Variants in FAM193A observed in about 807,000 individuals in gnomAD.
The protein encoded by FAM193A is family with sequence similarity 193 member A.
A neutral mutation model predicts 126.5 loss-of-function variants in FAM193A; 22 were observed. The observed-to-expected ratio is 0.17, with a 90% CI of 0.12 to 0.25. The LOEUF (loss-of-function observed/expected upper bound fraction) is 0.25, where lower values mean the gene tolerates loss of function less well. Among genes scored for constraint, FAM193A ranks in the 10% least tolerant of loss-of-function variants. FAM193A has a pLI of 1.00. For missense variants in FAM193A, 1,675 were observed against 1,672.8 expected (o/e 1.00, Z -0.02); for synonymous variants, 761 against 646.8 (o/e 1.18, Z -2.68).
intron 1 of FAM193A, among the ~76,000 whole-genome samples, chr4:2,567,901 AT>A (rs1739062523): frequency 6.6e-6 from 1 of 151,968 alleles, no homozygotes; most frequent in African/African-American, 2.4e-5. Flanking sequence ...CCTTTCTTCC[AT>A]TACCCTGTGC....
At chr4:2,563,000 AG>A (rs1366172506) in intron 1 of FAM193A, among the ~76,000 whole-genome samples, 22 of 151,238 alleles carry the variant, frequency 1.5e-4, no homozygotes, top group Non-Finnish European at 2.9e-4. Context: ...GCTGGAGTGC[AG>A]TGGTGCAATC....
intron 1 of FAM193A, among the ~76,000 whole-genome samples, chr4:2,546,435 A>G (rs900491454): frequency 1.3e-5 from 2 of 151,420 alleles, no homozygotes; most frequent in African/African-American, 2.5e-5. Flanking sequence ...CCCAACTCCT[A>G]AAGTCTTGGC....
At chr4:2,598,979 A>G (rs932745461) in intron 2 of FAM193A, among the ~76,000 whole-genome samples, 5 of 152,232 alleles carry the variant, frequency 3.3e-5, no homozygotes, top group African/African-American at 9.6e-5. Context: ...TCTGCCTTGT[A>G]TCTGCAGGGG....
intron 2 of FAM193A, among the ~76,000 whole-genome samples, chr4:2,621,889 C>G (rs994651947): frequency 1.4e-4 from 22 of 152,202 alleles, no homozygotes; most frequent in Non-Finnish European, 2.8e-4. Context: ...TCAGTCAGAA[C>G]TCCATGGCCT....
At chr4:2,730,353 G>A (rs763191605) in intron 20 of FAM193A, among the ~76,000 whole-genome samples, 1 of 152,158 alleles carries the variant, frequency 6.6e-6, no homozygotes, top group Non-Finnish European at 1.5e-5. Flanking sequence ...TGATATTTAG[G>A]ATATATGTGT....
At chr4:2,557,313 A>G (rs1425816350) in intron 1 of FAM193A, among the ~76,000 whole-genome samples, 2 of 152,142 alleles carry the variant, frequency 1.3e-5, no homozygotes, top group Non-Finnish European at 2.9e-5. Context: ...GAGGGCGATG[A>G]GGGCATACTA....
chr4:2,621,618 C>T (rs755805838), intron 2 of FAM193A, among the ~76,000 whole-genome samples: 32 of 152,178 alleles, frequency 2.1e-4, no homozygotes, highest in African/African-American at 6.7e-4. Context: ...TTAGTACATA[C>T]GGAAATAGGT....
rs779783176 is a variant in FAM193A, at chr4:2,672,252, C to G, written c.2211C>G (p.His737Gln). 8.7e-6 allele frequency: 14 copies of G among 1,614,238 alleles called. No individual in the cohort carries two copies. The highest frequency in any genetic ancestry group is 1.6e-4 in the Middle Eastern group (1 of 6,062). The part of the protein sequence containing the change: ...HQFLSPEKPT[H>Q]PALHLYPHIH... The stretch of plus-strand genomic sequence containing the variant: ...TCTTGAGCCCAGAGAAGCCCACACA[C>G]CCTGCACTGCACCTTTACCCTCACA... Residue 737 changes from histidine to glutamine, a missense_variant, in exon 13 of 21, where the codon CAC becomes CAG. His to Gln is a conservative substitution (Grantham distance 24). Around this residue, in one of 4 missense-constraint regions of FAM193A, gnomAD observed 1,186 missense variants for 1,109.2 expected, o/e 1.07. Coordinates refer to ENST00000637812, the MANE Select transcript of FAM193A (RefSeq NM_001366318.2).
chr4:2,616,040 A>G (rs904844231), intron 2 of FAM193A, among the ~76,000 whole-genome samples: 2 of 152,020 alleles, frequency 1.3e-5, no homozygotes, highest in Non-Finnish European at 2.9e-5. Context: ...AGCTTGCGCA[A>G]TCCGCCCGCC....
chr4:2,633,947 T>C (rs1454551340), intron 5 of FAM193A, among the ~76,000 whole-genome samples: 1 of 151,570 alleles, frequency 6.6e-6, no homozygotes, highest in Non-Finnish European at 1.5e-5. Context: ...TGAAAGGGAG[T>C]AAGTCGTAGT....
At chr4:2,613,922 G>A (rs1412094142) in intron 2 of FAM193A, among the ~76,000 whole-genome samples, 8 of 151,788 alleles carry the variant, frequency 5.3e-5, no homozygotes, top group African/African-American at 9.7e-5. Context: ...TTACAGGTGC[G>A]TACCACCATG....
At chr4:2,631,681 C>T (rs2109001015) in intron 5 of FAM193A, among the ~76,000 whole-genome samples, 1 of 152,358 alleles carries the variant, frequency 6.6e-6, no homozygotes, top group African/African-American at 2.4e-5. Context: ...GATCTGCTTG[C>T]AGTCTCAAGA....
At chr4:2,545,564 G>T (rs1737494895) in intron 1 of FAM193A, among the ~76,000 whole-genome samples, 1 of 152,122 alleles carries the variant, frequency 6.6e-6, no homozygotes, top group South Asian at 2.1e-4. Flanking sequence ...TCATATGGCT[G>T]GGGGTAGAAT....
intron 1 of FAM193A, among the ~76,000 whole-genome samples, chr4:2,559,415 C>T (rs1448969838): frequency 6.6e-6 from 1 of 152,172 alleles, no homozygotes; most frequent in Non-Finnish European, 1.5e-5. Flanking sequence ...AAAGAAACCA[C>T]CTTGCTATTC....
intron 7 of FAM193A, among the ~76,000 whole-genome samples, chr4:2,655,424 C>T (rs772468447): frequency 1.3e-5 from 2 of 149,204 alleles, no homozygotes; most frequent in Non-Finnish European, 3.0e-5. Context: ...TGATTTAGGA[C>T]GTGTGTGTGT....
At chr4:2,723,056 G>T (rs988746412) in intron 20 of FAM193A, among the ~76,000 whole-genome samples, 12 of 152,152 alleles carry the variant, frequency 7.9e-5, no homozygotes, top group Non-Finnish European at 2.9e-5. Context: ...GGAGGATCAC[G>T]AGGTCAGGAG....
In FAM193A at chr4:2,659,873, G is replaced by A. The variant is rs561355288; in HGVS notation, c.1564G>A (p.Val522Ile). Residue 522 changes from valine to isoleucine, a missense_variant, in exon 10 of 21, where the codon GTC becomes ATC. Around this residue, in one of 4 missense-constraint regions of FAM193A, gnomAD observed 1,186 missense variants for 1,109.2 expected, o/e 1.07. Coordinates refer to ENST00000637812, the MANE Select transcript of FAM193A (RefSeq NM_001366318.2). ...ILTCGIMDPP[V>I]TDDIHIHQLP... ...CACGTGTGGTATCATGGACCCCCCCGTCACTGATGACATCCACATTCACCA... is the reference window on the plus strand; with the variant it reads ...CACGTGTGGTATCATGGACCCCCCCATCACTGATGACATCCACATTCACCA... 2.8e-5 allele frequency: 46 copies of A among 1,614,106 alleles called. No homozygotes were observed. The highest frequency in any genetic ancestry group is 5.3e-5 in the African/African-American group (4 of 75,002).
intron 1 of FAM193A, among the ~76,000 whole-genome samples, chr4:2,580,577 A>T (rs147600597): frequency 6.6e-6 from 1 of 152,138 alleles, no homozygotes; most frequent in African/African-American, 2.4e-5. Context: ...GAATGACTTC[A>T]TGAATGTCCT....
At chr4:2,581,932 C>T (rs1029676815) in intron 1 of FAM193A, among the ~76,000 whole-genome samples, 2 of 152,174 alleles carry the variant, frequency 1.3e-5, no homozygotes, top group Non-Finnish European at 2.9e-5. Context: ...GGATTACAGG[C>T]GTGAGCCACC....
Sources: gnomAD v4.1 joint callset for allele counts (sites outside exome capture counted in the v4.1 genomes callset) on GRCh38, gnomAD v4.1.1 for gene constraint, gnomAD v4.1.1 regional missense constraint, MANE v1.5 for transcripts, NCBI Gene and HGNC (gene_info 2026-07-23, HGNC 2026-07-21) for gene names.